The following CPVL variants were observed in gnomAD, a reference collection of about 807,000 sequenced individuals.
CPVL encodes the protein carboxypeptidase vitellogenic like.
Under a neutral mutation model 63.7 loss-of-function variants are expected in CPVL, and 51 were observed. That is an observed-to-expected ratio of 0.80 (90% confidence interval 0.64 to 1.01). The LOEUF (loss-of-function observed/expected upper bound fraction) is 1.01. CPVL is among the 50% of genes least tolerant of loss of function. The pLI is 0.00. For synonymous variants in CPVL, 195 were observed against 206.0 expected (o/e 0.95, Z 0.46); for missense variants, 530 against 573.1 (o/e 0.92, Z 0.77).
chr7:29,060,972 G>C (rs974534664), intron 11 of CPVL, among the ~76,000 whole-genome samples: 2 of 152,178 alleles, frequency 1.3e-5, no homozygotes, highest in Non-Finnish European at 2.9e-5. Flanking sequence ...TATCCCAAGC[G>C]CTTTGCCAGC....
At chr7:29,123,017 A>T (rs1789534462) in intron 1 of CPVL, among the ~76,000 whole-genome samples, 1 of 152,144 alleles carries the variant, frequency 6.6e-6, no homozygotes, top group African/African-American at 2.4e-5. Context: ...TTCTAAATCA[A>T]ATACATGAAA....
intron 12 of CPVL, among the ~76,000 whole-genome samples, chr7:29,014,976 G>A (rs1318758607): frequency 5.3e-5 from 8 of 152,198 alleles, no homozygotes; most frequent in Non-Finnish European, 1.5e-5. Flanking sequence ...CATTCCTTCT[G>A]TGGACTATCT....
At position 29,182,233 on chromosome 7, in the gene CPVL, T is replaced by C. The variant is rs73306233; in HGVS notation, c.-133-821A>G. 6.9e-3 allele frequency among the ~76,000 whole-genome samples: 1,047 copies of C among 152,304 alleles called. 19 individuals are homozygous for C. Among genetic ancestry groups the C allele is most frequent in the African/African-American group, 0.024 (997 of 41,568 alleles). On this transcript the variant is annotated intron_variant, in intron 4 of 16. Transcript: ENST00000409850. ...TGCTCTACAGAAGAGAAGGTAATGA[T>C]AGAGTTTGAAAAATAGGAGCGCAGA...
chr7:29,152,219 G>T (rs1459900401), intron 5 of CPVL, among the ~76,000 whole-genome samples: 1 of 152,204 alleles, frequency 6.6e-6, no homozygotes, highest in East Asian at 1.9e-4. Context: ...GAATGCTCAA[G>T]CAATTGCATA....
At chr7:29,086,394 A>C in intron 7 of CPVL, 90 bp downstream of exon 7, 1 of 886,996 alleles carries the variant, frequency 1.1e-6, no homozygotes, top group South Asian at 1.4e-5. Context: ...GTATATACAT[A>C]TATAGATTTT....
chr7:29,133,977 G>GTCCC (rs1405384042), intron 1 of CPVL, among the ~76,000 whole-genome samples: 1 of 152,204 alleles, frequency 6.6e-6, no homozygotes, highest in Non-Finnish European at 1.5e-5. Context: ...AGATCCTCAA[G>GTCCC]TCCCTCCCCA....
At chr7:29,039,092 T>C (rs1788817733) in intron 11 of CPVL, among the ~76,000 whole-genome samples, 1 of 152,240 alleles carries the variant, frequency 6.6e-6, no homozygotes, top group African/African-American at 2.4e-5. Flanking sequence ...AAATTTATGC[T>C]TTCATTCTTT....
intron 1 of CPVL, chr7:29,122,402 T>C (rs996582762): frequency 2.0e-5 from 3 of 152,170 alleles, no homozygotes; most frequent in African/African-American, 7.2e-5. Context: ...CAGGCCAGGG[T>C]GATCAGACAT....
At chr7:29,029,752 T>C (rs1787849019) in intron 12 of CPVL, among the ~76,000 whole-genome samples, 1 of 152,180 alleles carries the variant, frequency 6.6e-6, no homozygotes, top group Non-Finnish European at 1.5e-5. Flanking sequence ...AGGGTGACTA[T>C]AGTTAAGAAC....
chr7:28,995,646 T>A lies in CPVL; in HGVS notation c.*126A>T. 1 of 664,678 alleles carries A rather than the reference T, an allele frequency of 1.5e-6. No homozygotes were observed. The highest frequency in any genetic ancestry group is 2.6e-6 in the Non-Finnish European group (1 of 387,222). The allele number at this position is 664,678 out of a possible 1,614,324, so 41.2% of individuals were successfully genotyped here. A position where few individuals can be genotyped will look rare whatever the true frequency, so the allele number is the denominator to read the frequency against. Reference sequence around the variant, plus strand: ...AAAAGCTCACTTGTTTCAAGGATAATTTTTATTGATGAAAAAAATCTTGCA... The same window carrying A: ...AAAAGCTCACTTGTTTCAAGGATAAATTTTATTGATGAAAAAAATCTTGCA... On this transcript the variant is annotated 3_prime_UTR_variant, in exon 13 of 13. Coordinates refer to ENST00000265394, the MANE Select transcript of CPVL (RefSeq NM_031311.5).
chr7:29,046,107 T>TGG (rs894975751), intron 11 of CPVL, among the ~76,000 whole-genome samples: 1 of 147,796 alleles, frequency 6.8e-6, no homozygotes, highest in African/African-American at 2.6e-5. Flanking sequence ...TTTTTTGAGA[T>TGG]GGAGTCTTGT....
chr7:29,021,866 C>A (rs941709082), intron 12 of CPVL, among the ~76,000 whole-genome samples: 7 of 152,228 alleles, frequency 4.6e-5, no homozygotes, highest in Non-Finnish European at 1.0e-4. Context: ...TGAACCCCTG[C>A]AGACACCCCC....
At chr7:29,024,955 T>G (rs1200613606) in intron 12 of CPVL, among the ~76,000 whole-genome samples, 2 of 152,084 alleles carry the variant, frequency 1.3e-5, no homozygotes, top group African/African-American at 4.8e-5. Context: ...ATGTTACCAC[T>G]ACAGAAAACC....
intron 11 of CPVL, among the ~76,000 whole-genome samples, chr7:29,036,387 T>C (rs1272261638): frequency 2.0e-5 from 3 of 152,212 alleles, no homozygotes; most frequent in Non-Finnish European, 4.4e-5. Flanking sequence ...AAGTTGATCA[T>C]CTGATAATGA....
At chr7:29,157,037 C>T (rs544336002) in intron 5 of CPVL, among the ~76,000 whole-genome samples, 2 of 152,170 alleles carry the variant, frequency 1.3e-5, no homozygotes, top group Admixed American at 6.5e-5. Flanking sequence ...GAAGTAATCT[C>T]GTCTGTGGAA....
chr7:29,034,812 G>A (rs1215095758), intron 11 of CPVL, among the ~76,000 whole-genome samples: 1 of 148,824 alleles, frequency 6.7e-6, no homozygotes, highest in Admixed American at 6.7e-5. Flanking sequence ...TGGGATTACA[G>A]GCATGAGCCA....
At position 29,116,724 on chromosome 7, in the gene CPVL, T is replaced by C. The variant is rs922116448; in HGVS notation, c.170-3902A>G. Among the ~76,000 whole-genome samples the C allele has an allele frequency of 2.6e-5, 4 of 152,370 alleles. No individual in the cohort carries two copies. In the South Asian group the frequency reaches 6.2e-4, roughly 24 times the overall value. ...TAGTCTTTAAAGTGTGAAAATGCAG[T>C]GTTTATAAACAAGCTAAAATGTGCC... On this transcript the variant is annotated intron_variant, in intron 2 of 12. Coordinates refer to ENST00000265394, the MANE Select transcript of CPVL (RefSeq NM_031311.5).
intron 2 of CPVL, among the ~76,000 whole-genome samples, chr7:29,113,364 T>C (rs931385726): frequency 5.9e-5 from 9 of 151,570 alleles, no homozygotes; most frequent in Admixed American, 2.0e-4. Flanking sequence ...GCTGTGGACA[T>C]TGGGGAAAGG....
Position 29,072,433 on chromosome 7 carries a change from A to C in CPVL, c.610-10T>G. ...ATTTCCCTGCATAAGACTGAGAAGG[A>C]CAGATGTTGAAATGGCCAATCACAA... On this transcript the variant is annotated splice_polypyrimidine_tract_variant and intron_variant, in intron 7 of 12. Coordinates refer to ENST00000265394, the MANE Select transcript of CPVL (RefSeq NM_031311.5). The C allele has an allele frequency of 6.2e-7, 1 of 1,610,856 alleles. No homozygotes were observed. The highest frequency in any genetic ancestry group is 8.5e-7 in the Non-Finnish European group (1 of 1,178,802).
Sources: gnomAD v4.1 joint callset for allele counts (sites outside exome capture counted in the v4.1 genomes callset) on GRCh38, gnomAD v4.1.1 for gene constraint, MANE v1.5 for transcripts, NCBI Gene and HGNC (gene_info 2026-07-23, HGNC 2026-07-21) for gene names.